The following CNTN4 variants were observed in gnomAD, a reference collection of about 807,000 sequenced individuals.
The protein encoded by CNTN4 is contactin 4.
CNTN4 carries 77 observed loss-of-function variants against 122.5 expected under a neutral mutation model. The ratio of observed to expected loss-of-function variants is 0.63; its 90% CI spans 0.52 to 0.76. The LOEUF (loss-of-function observed/expected upper bound fraction) is 0.76. CNTN4 is among the 30% of genes least tolerant of loss of function. The probability of loss-of-function intolerance (pLI) is 0.00; values close to 1 mark genes in which losing one functional copy is unlikely to be tolerated. For synonymous variants in CNTN4, 512 were observed against 447.0 expected (o/e 1.15, Z -1.83); for missense variants, 1,256 against 1,259.1 (o/e 1.00, Z 0.04).
intron 3 of CNTN4, among the ~76,000 whole-genome samples, chr3:2,534,483 C>T (rs113177932): frequency 0.014 from 2,137 of 152,192 alleles, 34 homozygotes; most frequent in African/African-American, 0.031. Flanking sequence ...TCCTGGCATT[C>T]CTTAAGAATG....
intron 2 of CNTN4, among the ~76,000 whole-genome samples, chr3:2,337,926 C>T (rs979516956): frequency 4.6e-5 from 7 of 151,880 alleles, no homozygotes; most frequent in Non-Finnish European, 8.8e-5. Flanking sequence ...AGTTGCTGTC[C>T]TTAATGTAAG....
chr3:3,037,687 A>C (rs1699736269), intron 18 of CNTN4: 1 of 345,508 alleles, frequency 2.9e-6, no homozygotes, highest in African/African-American at 2.1e-5. Context: ...AACTAATGGC[A>C]AAGAATAATT....
At chr3:2,420,226 A>G (rs1308052897) in intron 3 of CNTN4, among the ~76,000 whole-genome samples, 1 of 152,128 alleles carries the variant, frequency 6.6e-6, no homozygotes, top group Non-Finnish European at 1.5e-5. Context: ...ACTGTGGGAA[A>G]TTGCACTGCT....
chr3:2,627,714 C>A (rs572776581), intron 4 of CNTN4, among the ~76,000 whole-genome samples: 77 of 152,042 alleles, frequency 5.1e-4, no homozygotes, highest in African/African-American at 1.4e-3. Context: ...AGGATGGTCT[C>A]GATCTCCTGA....
chr3:2,962,735 C>T (rs981025363), intron 13 of CNTN4, among the ~76,000 whole-genome samples: 1 of 152,194 alleles, frequency 6.6e-6, no homozygotes, highest in Non-Finnish European at 1.5e-5. Context: ...AGATTGAATC[C>T]AGTGAGAACA....
intron 7 of CNTN4, among the ~76,000 whole-genome samples, chr3:2,838,672 C>G (rs1168262315): frequency 1.3e-5 from 2 of 152,048 alleles, no homozygotes; most frequent in African/African-American, 4.8e-5. Flanking sequence ...AGCCCCAGCT[C>G]TTGAAGCAGA....
At chr3:2,921,350 A>C (rs2094428373) in intron 12 of CNTN4, among the ~76,000 whole-genome samples, 2 of 152,186 alleles carry the variant, frequency 1.3e-5, no homozygotes. Flanking sequence ...GAGAAGGCTG[A>C]TTTTTGAATC....
At chr3:2,586,223 C>G (rs577490596) in intron 4 of CNTN4, among the ~76,000 whole-genome samples, 92 of 152,272 alleles carry the variant, frequency 6.0e-4, no homozygotes, top group African/African-American at 2.2e-3. Flanking sequence ...AGCTTCCGAC[C>G]TTACTGTGTT....
At chr3:2,888,430 C>T (rs2094002001) in intron 10 of CNTN4, among the ~76,000 whole-genome samples, 1 of 152,038 alleles carries the variant, frequency 6.6e-6, no homozygotes. Flanking sequence ...GATAAGAGAC[C>T]ACCAACACAG....
At chr3:2,135,231 T>C (rs997391256) in intron 2 of CNTN4, among the ~76,000 whole-genome samples, 1 of 151,966 alleles carries the variant, frequency 6.6e-6, no homozygotes, top group Non-Finnish European at 1.5e-5. Flanking sequence ...GGAGAGGGCA[T>C]GAACATAGGA....
chr3:2,614,160 A>C, intron 4 of CNTN4, among the ~76,000 whole-genome samples: 1 of 152,158 alleles, frequency 6.6e-6, no homozygotes, highest in Non-Finnish European at 1.5e-5. Flanking sequence ...GCAGAGTTTA[A>C]GCTGAAATCT....
chr3:3,037,978 C>T (rs1374494642), intron 18 of CNTN4, among the ~76,000 whole-genome samples: 3 of 152,106 alleles, frequency 2.0e-5, no homozygotes, highest in African/African-American at 4.8e-5. Flanking sequence ...CCTACATGTG[C>T]CGTCTTTTAT....
At chr3:2,501,536 C>T (rs55767084) in intron 3 of CNTN4, among the ~76,000 whole-genome samples, 3,764 of 152,248 alleles carry the variant, frequency 0.025, 142 homozygotes, top group African/African-American at 0.075. Flanking sequence ...TAGAGGCCAC[C>T]TGCATTCCAC....
intron 2 of CNTN4, among the ~76,000 whole-genome samples, chr3:2,113,397 G>T: frequency 6.6e-6 from 1 of 152,170 alleles, no homozygotes; most frequent in Non-Finnish European, 1.5e-5. Context: ...TGTTGTAATT[G>T]TAGCCCATTG....
intron 2 of CNTN4, among the ~76,000 whole-genome samples, chr3:2,277,877 A>G (rs1379397166): frequency 3.3e-5 from 5 of 152,188 alleles, no homozygotes; most frequent in African/African-American, 1.2e-4. Context: ...TCTTCCTTGC[A>G]TGGCTGACTA....
At chr3:2,993,592 G>GC (rs1218592727) in intron 14 of CNTN4, among the ~76,000 whole-genome samples, 1 of 151,700 alleles carries the variant, frequency 6.6e-6, no homozygotes, top group Non-Finnish European at 1.5e-5. Context: ...GAGCCACTGC[G>GC]CCCCCCGAGA....
chr3:3,006,307 T>C lies in CNTN4; in HGVS notation c.1486+17835T>C, dbSNP rs1696642784. 2.6e-5 allele frequency among the ~76,000 whole-genome samples: 4 copies of C among 152,218 alleles called. 1 individual carries two copies. The highest frequency in any genetic ancestry group is 2.6e-4 in the Admixed American group (4 of 15,286). ...AACACTCACGTATACTCATAGTCTTTGACACGTCTGGCCCATATTAGGTGC... is the reference window on the plus strand; with the variant it reads ...AACACTCACGTATACTCATAGTCTTCGACACGTCTGGCCCATATTAGGTGC... On this transcript the variant is annotated intron_variant, in intron 14 of 24. Coordinates refer to ENST00000418658, the MANE Select transcript of CNTN4 (RefSeq NM_175607.3).
chr3:2,649,043 T>C (rs776605977), intron 4 of CNTN4, among the ~76,000 whole-genome samples: 5 of 152,146 alleles, frequency 3.3e-5, no homozygotes, highest in Non-Finnish European at 7.3e-5. Context: ...CTGTGAAGGC[T>C]GAAAGAGGCC....
At chr3:2,940,056 C>T (rs1231521833) in intron 13 of CNTN4, among the ~76,000 whole-genome samples, 1 of 152,146 alleles carries the variant, frequency 6.6e-6, no homozygotes, top group Non-Finnish European at 1.5e-5. Context: ...GTTTAAAGTC[C>T]CTGGGACAGA....
Sources: allele counts gnomAD v4.1 joint callset (sites outside exome capture counted in the v4.1 genomes callset), GRCh38; gene constraint gnomAD v4.1.1; transcripts MANE v1.5; gene names NCBI Gene and HGNC (gene_info 2026-07-23, HGNC 2026-07-21).